Variants in ELP2 observed in about 807,000 individuals in gnomAD.
The protein encoded by ELP2 is elongator complex protein 2.
ELP2 carries 90 observed loss-of-function variants against 119.2 expected under a neutral mutation model. The observed-to-expected ratio is 0.75, with a 90% CI of 0.64 to 0.90. The LOEUF is 0.90. ELP2 is among the 40% of genes least tolerant of loss of function. The pLI is 0.00. For synonymous variants in ELP2, 339 were observed against 331.0 expected, an observed-to-expected ratio of 1.02 and a Z score of -0.26; for missense variants, 921 against 967.8, an observed-to-expected ratio of 0.95 and a Z score of 0.64.
intron 11 of ELP2, among the ~76,000 whole-genome samples, chr18:36,148,192 C>T (rs1266040089): frequency 6.6e-6 from 1 of 151,206 alleles, no homozygotes; most frequent in East Asian, 2.0e-4. Context: ...CTCCCGAGTT[C>T]ACACCATTCT....
chr18:36,178,505 C>CCAAT lies in ELP2; in HGVS notation c.*3870_*3873dup, dbSNP rs2091271258. ...TTGTTTGCCTCTTGATCTGAACTAG[C>CCAAT]CAATCAATCTTGTAAAAATGTGCTT... On this transcript the variant is annotated 3_prime_UTR_variant, in exon 22 of 22. Transcript: ENST00000358232. The CCAAT allele has an allele frequency of 6.6e-6, 1 of 152,102 alleles. No homozygotes were observed. The highest frequency in any genetic ancestry group is 2.4e-5 in the African/African-American group (1 of 41,420). 9.4% of individuals were successfully genotyped at this position (152,102 alleles called of 1,614,324 possible).
chr18:36,146,351 G>A lies in ELP2; in HGVS notation c.1095G>A (p.Leu365=), dbSNP rs143713231. The A allele has an allele frequency of 5.0e-5, 80 of 1,614,066 alleles. No homozygotes were observed. In the African/African-American group the frequency reaches 1.0e-3, roughly 21 times the overall value. Residue 365 remains leucine, a synonymous_variant, in exon 11 of 22, where the codon TTG becomes TTA. Coordinates refer to ENST00000358232, the MANE Select transcript of ELP2 (RefSeq NM_018255.4). ...TTGCTCATGCTTTCCACGGAGCGTT[G>A]CACCTTTGGAAACAGAATACAGTTA... ...MIIAHAFHGA[L]HLWKQNTVNP...
chr18:36,170,289 T>C, intron 20 of ELP2, 93 bp downstream of exon 20: 1 of 1,453,060 alleles, frequency 6.9e-7, no homozygotes, highest in Non-Finnish European at 9.6e-7. Flanking sequence ...TCTCCTAGCC[T>C]CTGAGTTACT....
Position 36,178,953 on chromosome 18 carries a change from A to G in ELP2, c.*4312A>G, listed in dbSNP as rs908702197. ...AGAATTGTTTAGAAAGAATGAGCAT[A>G]TCCATAAGTTAAATACAAAAATTGT... is the stretch of plus-strand genomic sequence containing the variant. On this transcript the variant is annotated 3_prime_UTR_variant, in exon 22 of 22. Transcript: ENST00000358232. The G allele has an allele frequency of 1.3e-5, 2 of 152,184 alleles. No individual in the cohort carries two copies. Among genetic ancestry groups the G allele is most frequent in the African/African-American group, 4.8e-5 (2 of 41,440 alleles). The allele number at this position is 152,184 out of a possible 1,614,324, so 9.4% of individuals were successfully genotyped here.
At chr18:36,154,196 C>T (rs1232254793) in intron 11 of ELP2, among the ~76,000 whole-genome samples, 1 of 151,840 alleles carries the variant, frequency 6.6e-6, no homozygotes, top group African/African-American at 2.4e-5. Context: ...GTTTTAGTCC[C>T]ACTTGAGGTT....
chr18:36,158,158 A>C (rs949893274), intron 13 of ELP2, among the ~76,000 whole-genome samples: 8 of 152,122 alleles, frequency 5.3e-5, no homozygotes, highest in African/African-American at 1.7e-4. Context: ...TTAAATTCTT[A>C]CTATTCATGT....
intron 17 of ELP2, 82 bp downstream of exon 17, chr18:36,161,086 C>A: frequency 3.0e-6 from 3 of 988,394 alleles, no homozygotes; most frequent in Non-Finnish European, 4.9e-6. Flanking sequence ...ATGATTTAGG[C>A]AGAACTCTAC....
chr18:36,136,007 G>T (rs1054311818), intron 2 of ELP2, among the ~76,000 whole-genome samples: 1 of 152,156 alleles, frequency 6.6e-6, no homozygotes, highest in Non-Finnish European at 1.5e-5. Flanking sequence ...TAGAATTTTT[G>T]AATGTGATAA....
chr18:36,143,149 G>A (rs959698774), intron 8 of ELP2, among the ~76,000 whole-genome samples, 183 bp downstream of exon 8: 1 of 151,318 alleles, frequency 6.6e-6, no homozygotes, highest in Admixed American at 6.6e-5. Flanking sequence ...CGGCTGGAGT[G>A]CAGTGGCGTG....
At chr18:36,174,277 G>C (rs2091167808) in intron 21 of ELP2, among the ~76,000 whole-genome samples, 1 of 151,912 alleles carries the variant, frequency 6.6e-6, no homozygotes, top group Non-Finnish European at 1.5e-5. Flanking sequence ...TCATTTTGGT[G>C]ATGTTATTGC....
At chr18:36,140,378 G>A (rs570673698) in intron 5 of ELP2, among the ~76,000 whole-genome samples, 17 of 148,316 alleles carry the variant, frequency 1.1e-4, no homozygotes, top group Non-Finnish European at 2.2e-4. Context: ...ATGGAGTCTC[G>A]CTCCGTCGCC....
Position 36,149,422 on chromosome 18 carries a change from C to T in ELP2, c.1125+3041C>T, listed in dbSNP as rs530512897. ...AAGGTACAACCGTACAACCCATTCC[C>T]GTCATGCCTTAGGAATTTTGATACA... On this transcript the variant is annotated intron_variant, in intron 11 of 21. Transcript: ENST00000358232. Among the ~76,000 whole-genome samples the T allele has an allele frequency of 2.0e-4, 30 of 150,872 alleles. No individual in the cohort carries two copies. In the South Asian group the frequency reaches 2.3e-3, roughly 12 times the overall value.
chr18:36,139,959 C>T (rs898677996), intron 5 of ELP2, among the ~76,000 whole-genome samples: 5 of 151,546 alleles, frequency 3.3e-5, no homozygotes, highest in Non-Finnish European at 5.9e-5. Context: ...GGTGATTTTC[C>T]CACCTCAGCC....
intron 2 of ELP2, among the ~76,000 whole-genome samples, chr18:36,133,685 G>A (rs2089715226): frequency 6.6e-6 from 1 of 150,920 alleles, no homozygotes; most frequent in Admixed American, 6.6e-5. Flanking sequence ...CAAGCTATTG[G>A]TTTTTCTTTT....
chr18:36,151,784 T>C (rs955019396), intron 11 of ELP2, among the ~76,000 whole-genome samples: 1 of 149,176 alleles, frequency 6.7e-6, no homozygotes, highest in Non-Finnish European at 1.5e-5. Flanking sequence ...GTTTCGCTCT[T>C]GTTGCCCAGG....
intron 2 of ELP2, among the ~76,000 whole-genome samples, chr18:36,134,383 G>A (rs2089752255): frequency 6.6e-6 from 1 of 152,134 alleles, no homozygotes; most frequent in Non-Finnish European, 1.5e-5. Context: ...AAGCAGATAT[G>A]AAAATCCAGC....
chr18:36,149,420 C>A (rs940412818), intron 11 of ELP2, among the ~76,000 whole-genome samples: 2 of 151,666 alleles, frequency 1.3e-5, no homozygotes, highest in African/African-American at 4.8e-5. Flanking sequence ...ACAACCCATT[C>A]CCGTCATGCC....
In ELP2 at chr18:36,159,990, A is replaced by C. The variant is rs772450541; in HGVS notation, c.1663A>C (p.Thr555Pro). 1 of 1,614,088 alleles carries C rather than the reference A, an allele frequency of 6.2e-7. No homozygotes were observed. The highest frequency in any genetic ancestry group is 8.5e-7 in the Non-Finnish European group (1 of 1,180,016). ...CACTGAGGATCATCTTCTGCAGAAT[A>C]CTTTGTGGCCTGAAGTTCAAAAACT... ...PPTEDHLLQNTLWPEVQKLYG... is the reference protein window; with the variant it reads ...PPTEDHLLQNPLWPEVQKLYG... The change falls in exon 16 of 22, where the codon ACT becomes CCT. Residue 555 changes from threonine (T) to proline (P), a missense_variant. By Grantham distance (38) the Thr-to-Pro change is conservative. Transcript: ENST00000358232.
chr18:36,165,860 C>T (rs555048628), intron 18 of ELP2, among the ~76,000 whole-genome samples: 191 of 152,070 alleles, frequency 1.3e-3, no homozygotes, highest in South Asian at 8.1e-3. Flanking sequence ...CCAGCCTAGG[C>T]GACAGAGCAA....
Sources: allele counts gnomAD v4.1 joint callset (sites outside exome capture counted in the v4.1 genomes callset), GRCh38; gene constraint gnomAD v4.1.1; transcripts MANE v1.5; gene names NCBI Gene and HGNC (gene_info 2026-07-23, HGNC 2026-07-21).